The following IL10RB variants were observed in gnomAD, a reference collection of about 807,000 sequenced individuals.
The protein encoded by IL10RB is interleukin 10 receptor subunit beta, also known as interleukin-10 receptor subunit beta.
A neutral mutation model predicts 38.7 loss-of-function variants in IL10RB; 30 were observed. The observed-to-expected ratio is 0.78, with a 90% CI of 0.58 to 1.05. The LOEUF (loss-of-function observed/expected upper bound fraction) is 1.05, where lower values mean the gene tolerates loss of function less well. Ranked by LOEUF, IL10RB falls within the 50% of genes least tolerant of loss-of-function variation. The pLI is 0.00. For missense variants in IL10RB, 328 were observed against 397.1 expected (o/e 0.83, Z 1.48); for synonymous variants, 142 against 145.9 (o/e 0.97, Z 0.19).
chr21:33,288,413 C>T, intron 6 of IL10RB, 152 bp downstream of exon 6: 1 of 700,660 alleles, frequency 1.4e-6, no homozygotes. Context: ...ACAGACACGC[C>T]TCTTGTGTGC....
chr21:33,299,384 G>T (rs1466668056), downstream of IL10RB, among the ~76,000 whole-genome samples: 2 of 152,180 alleles, frequency 1.3e-5, no homozygotes, highest in Non-Finnish European at 2.9e-5. Flanking sequence ...GCATCTGTGG[G>T]CCACCAATCA....
intron 2 of IL10RB, among the ~76,000 whole-genome samples, chr21:33,275,833 G>C (rs1236935387): frequency 6.6e-6 from 1 of 152,234 alleles, no homozygotes; most frequent in Admixed American, 6.5e-5. Flanking sequence ...GGGTGGAGAA[G>C]TCAGAACACT....
chr21:33,276,609 C>T lies in IL10RB; in HGVS notation c.187C>T (p.Gln63Ter), dbSNP rs1192250721. 1.2e-6 allele frequency: 2 copies of T among 1,613,130 alleles called. No individual in the cohort carries two copies. Among genetic ancestry groups the T allele is most frequent in the Non-Finnish European group, 1.7e-6 (2 of 1,179,166 alleles). Residue 63 changes from glutamine to a stop codon, truncating the protein, a stop_gained, in exon 3 of 7, where the codon CAA becomes TAA. Coordinates refer to ENST00000290200, the MANE Select transcript of IL10RB (RefSeq NM_000628.5). LOFTEE classifies it high-confidence loss of function. ...TAQYLSYRIF[Q>*]DKCMNTTLTE... ...TTGATTGTGTAGTTATAGGATATTC[C>T]AAGATAAATGCATGAATACTACCTT...
intron 1 of IL10RB, among the ~76,000 whole-genome samples, chr21:33,305,255 C>A (rs969604686): frequency 7.2e-5 from 11 of 152,082 alleles, no homozygotes; most frequent in Non-Finnish European, 1.0e-4. Flanking sequence ...ACTACCGATG[C>A]GCACCACCAC....
At chr21:33,290,451 G>A (rs977534854) in intron 6 of IL10RB, among the ~76,000 whole-genome samples, 3 of 152,148 alleles carry the variant, frequency 2.0e-5, no homozygotes, top group Non-Finnish European at 2.9e-5. Flanking sequence ...CTGCCCCGTG[G>A]GCCTTTGTTT....
At chr21:33,287,043 CAG>C (rs979129609) in intron 5 of IL10RB, among the ~76,000 whole-genome samples, 9 of 152,050 alleles carry the variant, frequency 5.9e-5, no homozygotes, top group African/African-American at 2.2e-4. Context: ...GACAGGGAGA[CAG>C]AGGCCCTGTA....
At chr21:33,288,407 A>C in intron 6 of IL10RB, 146 bp downstream of exon 6, 2 of 570,182 alleles carry the variant, frequency 3.5e-6, no homozygotes, top group Non-Finnish European at 6.4e-6. Flanking sequence ...ACACACACAG[A>C]CACGCCTCTT....
intron 5 of IL10RB, 79 bp downstream of exon 5, chr21:33,283,320 T>A: frequency 7.1e-7 from 1 of 1,400,390 alleles, no homozygotes; most frequent in Non-Finnish European, 1.0e-6. Context: ...TGCATCCAAC[T>A]CAAATTCCAG....
intron 1 of IL10RB, among the ~76,000 whole-genome samples, chr21:33,306,515 G>C (rs144604413): frequency 6.6e-6 from 1 of 152,152 alleles, no homozygotes; most frequent in East Asian, 1.9e-4. Context: ...TCTAGTTTTT[G>C]ATATAATAGT....
At chr21:33,288,332 T>C in intron 6 of IL10RB, 71 bp downstream of exon 6, 5 of 1,343,080 alleles carry the variant, frequency 3.7e-6, no homozygotes, top group Non-Finnish European at 5.3e-6. Context: ...TAGTTAGGGC[T>C]GCCCAATTCC....
At chr21:33,285,113 A>T (rs980120246) in intron 5 of IL10RB, among the ~76,000 whole-genome samples, 4 of 151,818 alleles carry the variant, frequency 2.6e-5, no homozygotes, top group African/African-American at 9.7e-5. Flanking sequence ...CTGGTCTCGA[A>T]CTCCTGACCT....
At chr21:33,300,203 G>T (rs1289362222), downstream of IL10RB, among the ~76,000 whole-genome samples, 2 of 152,194 alleles carry the variant, frequency 1.3e-5, no homozygotes, top group Non-Finnish European at 2.9e-5. Context: ...ACTTTGGGAG[G>T]CCGAGGTGGG....
intron 2 of IL10RB, among the ~76,000 whole-genome samples, chr21:33,270,555 T>C (rs1989057967): frequency 6.6e-6 from 1 of 151,668 alleles, no homozygotes; most frequent in South Asian, 2.1e-4. Context: ...TAATTTTTTT[T>C]AGTAGAGACA....
At chr21:33,300,922 G>A (rs1375914701), downstream of IL10RB, among the ~76,000 whole-genome samples, 1 of 152,182 alleles carries the variant, frequency 6.6e-6, no homozygotes, top group African/African-American at 2.4e-5. Flanking sequence ...CCCAGCTTGC[G>A]ATCATTTGTT....
At chr21:33,266,538 C>T (rs747412228) in intron 1 of IL10RB, 24 bp downstream of exon 1, 10 of 1,539,786 alleles carry the variant, frequency 6.5e-6, no homozygotes, top group Non-Finnish European at 8.7e-6. Flanking sequence ...GGGGAGGGGG[C>T]GCGCTTGGGA....
chr21:33,305,901 G>A (rs541135610), intron 1 of IL10RB, among the ~76,000 whole-genome samples: 4 of 151,930 alleles, frequency 2.6e-5, no homozygotes, highest in African/African-American at 9.7e-5. Context: ...GCACAATCTC[G>A]GCTCACTGCA....
chr21:33,281,206 T>C (rs1013724339), intron 4 of IL10RB, among the ~76,000 whole-genome samples: 8 of 152,234 alleles, frequency 5.3e-5, no homozygotes, highest in Non-Finnish European at 1.5e-5. Flanking sequence ...AGTCCTATCA[T>C]AGTGACAGTT....
At chr21:33,282,302 G>A (rs1989294725) in intron 4 of IL10RB, among the ~76,000 whole-genome samples, 1 of 152,104 alleles carries the variant, frequency 6.6e-6, no homozygotes, top group Non-Finnish European at 1.5e-5. Context: ...AGAGGCCAAG[G>A]TGGGCAGATC....
chr21:33,303,381 G>A (rs1601841775), intron 1 of IL10RB, among the ~76,000 whole-genome samples: 1 of 129,622 alleles, frequency 7.7e-6, no homozygotes. Flanking sequence ...TTGAGACAGA[G>A]TCTTGCTCTG....
Sources: allele counts gnomAD v4.1 joint callset (sites outside exome capture counted in the v4.1 genomes callset), GRCh38; gene constraint gnomAD v4.1.1; transcripts MANE v1.5; gene names NCBI Gene and HGNC (gene_info 2026-07-23, HGNC 2026-07-21).